The following CTBP2 variants were observed in gnomAD, a reference collection of about 807,000 sequenced individuals.
CTBP2 encodes C-terminal-binding protein 2.
In CTBP2, 30 loss-of-function variants were observed where a neutral mutation model predicts 80.3. The ratio of observed to expected loss-of-function variants is 0.37; its 90% CI spans 0.28 to 0.51. CTBP2 has a LOEUF of 0.51. Ranked by LOEUF, CTBP2 falls within the 20% of genes least tolerant of loss-of-function variation. CTBP2 has a pLI of 0.93. For missense variants in CTBP2, 1,212 were observed against 1,375.3 expected, an observed-to-expected ratio of 0.88 and a Z score of 1.88; for synonymous variants, 594 against 587.4, an observed-to-expected ratio of 1.01 and a Z score of -0.16.
At chr10:125,062,797 A>T (rs1489253760) in intron 2 of CTBP2, among the ~76,000 whole-genome samples, 1 of 152,236 alleles carries the variant, frequency 6.6e-6, no homozygotes, top group Admixed American at 6.5e-5. Flanking sequence ...TGGGAGATGG[A>T]GGTTGCACTG....
chr10:125,129,872 C>CGTG (rs1328852597), intron 1 of CTBP2, among the ~76,000 whole-genome samples: 1 of 152,096 alleles, frequency 6.6e-6, no homozygotes, highest in Non-Finnish European at 1.5e-5. Context: ...AGGTCCAGGA[C>CGTG]ACGGTCAGGG....
intron 5 of CTBP2, among the ~76,000 whole-genome samples, 160 bp downstream of exon 7, chr10:124,994,309 G>A (rs1313657270): frequency 6.6e-6 from 1 of 152,206 alleles, no homozygotes; most frequent in Admixed American, 6.5e-5. Flanking sequence ...CCCGAGGAAG[G>A]GGCTTCACGT....
chr10:125,097,049 A>T lies in CTBP2; in HGVS notation c.-102+13941T>A, dbSNP rs546914706. On this transcript the variant is annotated intron_variant, in intron 2 of 10. Coordinates refer to the CTBP2 transcript ENST00000337195. ...GTATATAAAACTGTCTTCTCTTCAC[A>T]TAATTTATATTACCATAAGCTGGCA... is the stretch of plus-strand genomic sequence containing the variant. 1.3e-3 allele frequency among the ~76,000 whole-genome samples: 193 copies of T among 152,366 alleles called. 1 individual carries two copies. The highest frequency in any genetic ancestry group is 4.1e-3 in the African/African-American group (170 of 41,588).
In CTBP2 at chr10:124,988,060, G is replaced by T. The variant is rs1248633129; in HGVS notation, c.*1458C>A. ...TTAAAGTCAGAACTCTAAAAGTTGAGCAACTTTGTTTTTTTTTGAATTGAT... is the reference window on the plus strand; with the variant it reads ...TTAAAGTCAGAACTCTAAAAGTTGATCAACTTTGTTTTTTTTTGAATTGAT... On this transcript the variant is annotated 3_prime_UTR_variant, in exon 9 of 9. Coordinates refer to ENST00000309035, the MANE Select transcript of CTBP2 (RefSeq NM_022802.3). The T allele has an allele frequency of 1.4e-5, 2 of 147,954 alleles. No individual in the cohort carries two copies. The highest frequency in any genetic ancestry group is 2.0e-4 in the East Asian group (1 of 4,978). The allele number at this position is 147,954 out of a possible 1,614,324, so 9.2% of individuals were successfully genotyped here.
chr10:125,023,943 A>G (rs1025651602), intron 1 of CTBP2, among the ~76,000 whole-genome samples: 3 of 152,170 alleles, frequency 2.0e-5, no homozygotes, highest in Admixed American at 6.5e-5. Flanking sequence ...GGAGGGAAGC[A>G]CTTGAGTTAG....
rs1157499416 is a variant in CTBP2, at chr10:124,989,322, T to C, written c.*196A>G. On this transcript the variant is annotated 3_prime_UTR_variant, in exon 9 of 9. Transcript: ENST00000309035. ...AGTTGGTCGTTAATAAATCACATCC[T>C]AGTCTTTCAGCGCTTCCGTAAGCAG... 3.2e-6 allele frequency: 2 copies of C among 625,858 alleles called. No individual in the cohort carries two copies. Among genetic ancestry groups the C allele is most frequent in the African/African-American group, 1.8e-5 (1 of 54,530 alleles). 38.8% of individuals were successfully genotyped at this position (625,858 alleles called of 1,614,324 possible).
chr10:125,134,256 T>G (rs1291692130), intron 1 of CTBP2, among the ~76,000 whole-genome samples: 1 of 152,150 alleles, frequency 6.6e-6, no homozygotes, highest in Non-Finnish European at 1.5e-5. Flanking sequence ...AGACTGAGGC[T>G]TAGAGTCTCA....
intron 2 of CTBP2, among the ~76,000 whole-genome samples, chr10:125,109,690 G>A (rs1279525125): frequency 6.6e-6 from 1 of 152,218 alleles, no homozygotes; most frequent in African/African-American, 2.4e-5. Flanking sequence ...GCTCTGCTAT[G>A]GCCTTTGGCC....
intron 3 of CTBP2, among the ~76,000 whole-genome samples, chr10:125,037,349 G>A (rs1959007548): frequency 6.6e-6 from 1 of 152,224 alleles, no homozygotes; most frequent in Admixed American, 6.5e-5. Flanking sequence ...AGAATCCTGG[G>A]TGCAGGGGGT....
At chr10:125,123,966 G>A (rs2136061638) in intron 1 of CTBP2, among the ~76,000 whole-genome samples, 1 of 152,334 alleles carries the variant, frequency 6.6e-6, no homozygotes, top group South Asian at 2.1e-4. Flanking sequence ...GTGCCTCTCT[G>A]GTGGGTAACA....
chr10:125,064,405 T>C (rs1844314765), intron 2 of CTBP2, among the ~76,000 whole-genome samples: 2 of 152,148 alleles, frequency 1.3e-5, no homozygotes, highest in Non-Finnish European at 2.9e-5. Context: ...GAAAAATAAC[T>C]GTGGTGGGAG....
chr10:125,072,941 A>C (rs1590549146), intron 2 of CTBP2, among the ~76,000 whole-genome samples: 1 of 152,242 alleles, frequency 6.6e-6, no homozygotes, highest in African/African-American at 2.4e-5. Context: ...CAGTTTTGGC[A>C]ATCATCATTT....
At position 124,986,283 on chromosome 10, in the gene CTBP2, G is replaced by GCACA. The variant is rs1418013177; in HGVS notation, c.*3234_*3235insTGTG. 2.2e-4 allele frequency: 10 copies of GCACA among 45,460 alleles called. No individual in the cohort carries two copies. The highest frequency in any genetic ancestry group is 3.2e-3 in the South Asian group (2 of 626). 2.8% of individuals were successfully genotyped at this position (45,460 alleles called of 1,614,324 possible). ...ATTTGGAAAGACGACACACGCACGCGCGCGCGCGCACACACACACACACAC... is the reference window on the plus strand; with the variant it reads ...ATTTGGAAAGACGACACACGCACGCGCACACGCGCGCGCACACACACACACACAC... On this transcript the variant is annotated 3_prime_UTR_variant, in exon 9 of 9. Coordinates refer to ENST00000309035, the MANE Select transcript of CTBP2 (RefSeq NM_022802.3).
rs77844428 is a variant in CTBP2 at position 125,025,220 on chromosome 10, T to C, written c.1678+862A>G. The stretch of plus-strand genomic sequence containing the variant: ...GAGGCTGGCGGGGAGGAAAGAATTA[T>C]GTTTGAAAGGAAGAAAACTGATTTA... On this transcript the variant is annotated intron_variant, in intron 1 of 8. Transcript: ENST00000309035. Among the ~76,000 whole-genome samples the C allele has an allele frequency of 8.8e-3, 1,346 of 152,326 alleles. 29 individuals are homozygous for C. Among genetic ancestry groups the C allele is most frequent in the African/African-American group, 0.03 (1,260 of 41,570 alleles).
At chr10:125,145,259 G>C (rs1858541854) in intron 1 of CTBP2, among the ~76,000 whole-genome samples, 1 of 152,140 alleles carries the variant, frequency 6.6e-6, no homozygotes, top group African/African-American at 2.4e-5. Flanking sequence ...GCACCCCCTG[G>C]AGGAGGTGGC....
Position 125,026,414 on chromosome 10 carries a change from G to A in CTBP2, c.1346C>T (p.Ala449Val), listed in dbSNP as rs149440358. 2.3e-5 allele frequency: 37 copies of A among 1,606,910 alleles called. No homozygotes were observed. The African/African-American group carries it at 2.7e-4, about 12-fold the overall frequency. Residue 449 changes from alanine (A) to valine (V), a missense_variant, in exon 1 of 9, where the codon GCG (alanine) becomes GTG (valine). Coordinates refer to ENST00000309035, the MANE Select transcript of CTBP2 (RefSeq NM_022802.3). ...CAGGGGGTACGTGGGGCTCAGACGC[G>A]CTGTCAGGGCGCAAGGGGTGGGAGA...
intron 2 of CTBP2, among the ~76,000 whole-genome samples, chr10:125,106,078 C>T (rs1851404526): frequency 6.6e-6 from 1 of 152,230 alleles, no homozygotes; most frequent in African/African-American, 2.4e-5. Flanking sequence ...ACAGGGCTGC[C>T]ATCCCTCAGT....
At chr10:125,146,269 G>A (rs528548906) in intron 1 of CTBP2, among the ~76,000 whole-genome samples, 5 of 145,902 alleles carry the variant, frequency 3.4e-5, no homozygotes, top group Admixed American at 2.1e-4. Flanking sequence ...CACCATGCCC[G>A]GCCCTAAGTG....
chr10:125,092,542 C>G (rs562324566), intron 2 of CTBP2, among the ~76,000 whole-genome samples: 17 of 152,298 alleles, frequency 1.1e-4, no homozygotes, highest in Middle Eastern at 6.8e-3. Flanking sequence ...AGTAACTTAT[C>G]TAACCTTCTT....
Sources: allele counts gnomAD v4.1 joint callset (sites outside exome capture counted in the v4.1 genomes callset), GRCh38; gene constraint gnomAD v4.1.1; transcripts MANE v1.5; gene names NCBI Gene and HGNC (gene_info 2026-07-23, HGNC 2026-07-21).